Variants in SCAI observed in about 807,000 individuals in gnomAD.
SCAI encodes protein SCAI.
SCAI carries 24 observed loss-of-function variants against 92.2 expected under a neutral mutation model. The ratio of observed to expected loss-of-function variants is 0.26; its 90% confidence interval spans 0.19 to 0.37. The LOEUF (loss-of-function observed/expected upper bound fraction) is 0.37, where lower values mean the gene tolerates loss of function less well. SCAI is among the 10% of genes least tolerant of loss of function. The pLI, the probability that SCAI is intolerant of heterozygous loss-of-function variation, is 1.00. For synonymous variants in SCAI, 261 were observed against 258.6 expected (o/e 1.01, Z -0.09); for missense variants, 450 against 736.2 (o/e 0.61, Z 4.50).
intron 17 of SCAI, among the ~76,000 whole-genome samples, chr9:124,953,682 G>A (rs966976609): frequency 6.6e-5 from 10 of 151,972 alleles, no homozygotes; most frequent in Non-Finnish European, 1.2e-4. Context: ...CAAAGTGTTG[G>A]GATTACAGGC....
intron 2 of SCAI, among the ~76,000 whole-genome samples, chr9:125,069,479 G>A (rs1198387303): frequency 3.3e-5 from 5 of 150,998 alleles, no homozygotes; most frequent in East Asian, 2.0e-4. Flanking sequence ...CACCACGCCC[G>A]GCTAATATTT....
intron 2 of SCAI, 55 bp downstream of exon 2, chr9:125,142,577 AG>A: frequency 7.7e-7 from 1 of 1,298,428 alleles, no homozygotes; most frequent in Admixed American, 1.7e-5. Flanking sequence ...AGTACGGCAC[AG>A]GTGCAGCCAA....
chr9:125,030,155 A>G (rs1833044253), intron 3 of SCAI, among the ~76,000 whole-genome samples: 2 of 152,206 alleles, frequency 1.3e-5, no homozygotes, highest in South Asian at 4.1e-4. Context: ...ACTGTTCTGC[A>G]CTATTCTATC....
rs1260959049 is a variant in SCAI at position 125,029,631 on chromosome 9, A to G, written c.326+13T>C. On this transcript the variant is annotated intron_variant, in intron 4 of 17. Transcript: ENST00000336505. ...CAGGCCTTCACTCTCCTTTAACTAT[A>G]AAATTCATTTACCGATGCTGCTGCT... 6.3e-7 allele frequency: 1 copy of G among 1,580,120 alleles called. No homozygotes were observed. The highest frequency in any genetic ancestry group is 8.7e-7 in the Non-Finnish European group (1 of 1,150,788).
At chr9:125,002,776 G>A (rs1341717985) in intron 11 of SCAI, among the ~76,000 whole-genome samples, 1 of 151,664 alleles carries the variant, frequency 6.6e-6, no homozygotes, top group Non-Finnish European at 1.5e-5. Flanking sequence ...GAGCCACCAC[G>A]CCTGGCCAAT....
At chr9:125,002,998 G>A (rs1190671293) in intron 11 of SCAI, 116 bp downstream of exon 11, 1 of 664,658 alleles carries the variant, frequency 1.5e-6, no homozygotes, top group Non-Finnish European at 2.6e-6. Flanking sequence ...TCTAAAGGCA[G>A]TTTTTCATTT....
intron 2 of SCAI, among the ~76,000 whole-genome samples, chr9:125,081,079 G>C (rs1834205198): frequency 6.6e-6 from 1 of 152,182 alleles, no homozygotes; most frequent in African/African-American, 2.4e-5. Context: ...ACATGGAACT[G>C]TAAGTCCAAT....
chr9:124,949,377 T>C lies in SCAI; in HGVS notation c.*3430A>G, dbSNP rs1458558513. The C allele has an allele frequency of 6.6e-6, 1 of 152,198 alleles. No individual in the cohort carries two copies. The highest frequency in any genetic ancestry group is 1.5e-5 in the Non-Finnish European group (1 of 68,032). The allele number at this position is 152,198 out of a possible 1,614,324, so 9.4% of individuals were successfully genotyped here. A position where few individuals can be genotyped will look rare whatever the true frequency, so the allele number is the denominator to read the frequency against. On this transcript the variant is annotated 3_prime_UTR_variant, in exon 18 of 18. Coordinates refer to ENST00000336505, the MANE Select transcript of SCAI (RefSeq NM_001144877.3). This position sits in a 1 kb window ranked among gnomAD's most constrained non-coding sequence, Gnocchi z 4.0. ...TCAAAAACAAAAAACAAAAAAACTA[T>C]GTTTAAAACTTTCATAAAAAGAAAG... is the stretch of plus-strand genomic sequence containing the variant.
chr9:125,101,060 TAAC>T (rs898281203), intron 2 of SCAI, among the ~76,000 whole-genome samples: 71 of 151,972 alleles, frequency 4.7e-4, no homozygotes, highest in African/African-American at 1.6e-3. Context: ...CCCCATCTCT[TAAC>T]AACAACAACA....
chr9:124,983,399 G>T (rs919880821), intron 14 of SCAI, among the ~76,000 whole-genome samples: 1 of 151,950 alleles, frequency 6.6e-6, no homozygotes, highest in Non-Finnish European at 1.5e-5. Context: ...TGTTGCCCAG[G>T]CTGGAGTGCA....
At chr9:125,086,421 A>G (rs1415804751) in intron 2 of SCAI, among the ~76,000 whole-genome samples, 1 of 152,192 alleles carries the variant, frequency 6.6e-6, no homozygotes, top group East Asian at 1.9e-4. Flanking sequence ...ATACTCTCCA[A>G]ATGCTGGGAA....
Position 125,072,214 on chromosome 9 carries a change from G to A in SCAI, c.99-16207C>T, listed in dbSNP as rs113315014. ...AATTTTTGTATTTATAGTAGAGACG[G>A]GGTTTCACCATGTTGGCCAGGATGG... On this transcript the variant is annotated intron_variant, in intron 2 of 17. Coordinates refer to ENST00000336505, the MANE Select transcript of SCAI (RefSeq NM_001144877.3). 8.9e-4 allele frequency among the ~76,000 whole-genome samples: 136 copies of A among 152,198 alleles called. 1 individual carries two copies. The highest frequency in any genetic ancestry group is 3.2e-3 in the African/African-American group (133 of 41,536).
intron 2 of SCAI, among the ~76,000 whole-genome samples, chr9:125,070,385 T>C (rs1413474468): frequency 6.6e-6 from 1 of 150,450 alleles, no homozygotes. Context: ...CAAATTATTT[T>C]CTAAAAACAA....
rs1832816513 is a variant in SCAI, at chr9:125,018,954, A to G, written c.709-3T>C. 1 of 1,611,064 alleles carries G rather than the reference A, an allele frequency of 6.2e-7. No homozygotes were observed. Among genetic ancestry groups the G allele is most frequent in the Non-Finnish European group, 8.5e-7 (1 of 1,179,196 alleles). ...TTTAATACCATTACAGGATCCGCCTAAAGAAAAAAGCAATAAGAACTTAAC... is the reference window on the plus strand; with the variant it reads ...TTTAATACCATTACAGGATCCGCCTGAAGAAAAAAGCAATAAGAACTTAAC... On this transcript the variant is annotated splice_region_variant and splice_polypyrimidine_tract_variant and intron_variant, in intron 8 of 17. Transcript: ENST00000336505.
chr9:125,009,037 A>C (rs890611811), intron 9 of SCAI, among the ~76,000 whole-genome samples: 13 of 152,198 alleles, frequency 8.5e-5, no homozygotes, highest in Non-Finnish European at 1.3e-4. Flanking sequence ...GAGAGAAGAT[A>C]ATGAAATTAA....
chr9:124,956,510 C>T (rs1168170170), intron 17 of SCAI, among the ~76,000 whole-genome samples: 2 of 152,130 alleles, frequency 1.3e-5, no homozygotes, highest in African/African-American at 4.8e-5. Flanking sequence ...TGAGCCACCG[C>T]GCCTGGCTGA....
intron 2 of SCAI, among the ~76,000 whole-genome samples, chr9:125,092,401 C>T (rs1029975624): frequency 1.3e-5 from 2 of 150,564 alleles, no homozygotes; most frequent in East Asian, 2.0e-4. Context: ...TACAGTGAGC[C>T]AAGATCACGC....
At chr9:125,105,807 A>G (rs930555548) in intron 2 of SCAI, among the ~76,000 whole-genome samples, 3 of 151,966 alleles carry the variant, frequency 2.0e-5, no homozygotes, top group Non-Finnish European at 4.4e-5. Flanking sequence ...TCTAAGAAAA[A>G]GATATAGTTG....
intron 3 of SCAI, 133 bp from the exon 4 acceptor site, chr9:125,029,872 T>C: frequency 2.0e-6 from 1 of 500,272 alleles, no homozygotes; most frequent in Non-Finnish European, 3.5e-6. Context: ...AGTTACACTT[T>C]TTGGAGCAGA....
Sources: gnomAD v4.1 joint callset for allele counts (sites outside exome capture counted in the v4.1 genomes callset) on GRCh38, gnomAD v4.1.1 for gene constraint, Gnocchi (gnomAD v3.1) non-coding constraint, MANE v1.5 for transcripts, NCBI Gene and HGNC (gene_info 2026-07-23, HGNC 2026-07-21) for gene names.